CDH9: variants seen among roughly 807,000 people sequenced by gnomAD.
CDH9 encodes cadherin-9.
A neutral mutation model predicts 70.9 loss-of-function variants in CDH9; 28 were observed. The ratio of observed to expected loss-of-function variants is 0.40; its 90% CI spans 0.29 to 0.54. CDH9 has a LOEUF of 0.54. Ranked by LOEUF, CDH9 falls within the 20% of genes least tolerant of loss-of-function variation. The probability of loss-of-function intolerance (pLI) is 0.59; values close to 1 mark genes in which losing one functional copy is unlikely to be tolerated. For missense variants in CDH9, 874 were observed against 984.4 expected, an observed-to-expected ratio of 0.89 and a Z score of 1.50; for synonymous variants, 409 against 343.1, an observed-to-expected ratio of 1.19 and a Z score of -2.12.
intron 2 of CDH9, among the ~76,000 whole-genome samples, chr5:26,975,465 G>A (rs1037112744): frequency 6.6e-6 from 1 of 152,188 alleles, no homozygotes; most frequent in Non-Finnish European, 1.5e-5. Flanking sequence ...AACTGAAATA[G>A]TAAGTATAGC....
chr5:26,933,361 A>C (rs72744754), intron 2 of CDH9, among the ~76,000 whole-genome samples: 25,886 of 151,680 alleles, frequency 0.17, 2,508 homozygotes, highest in South Asian at 0.36. Flanking sequence ...AAGTCCAAAA[A>C]AATAAATAGG....
rs748540104 is a variant in CDH9, at chr5:26,902,647, A to C, written c.1082T>G (p.Leu361Arg). Residue 361 changes from leucine (L) to arginine (R), a missense_variant, in exon 7 of 12, where the codon CTG becomes CGG. Leu to Arg is a moderately radical substitution (Grantham distance 102). Coordinates refer to ENST00000231021, the MANE Select transcript of CDH9 (RefSeq NM_016279.4). ...NTHPDPRFLH[L>R]GPFKDTAVVK... ...CACAGCTGTATCTTTGAAAGGTCCCAGGTGTAAGAATCGTGGATCAGGGTG... is the reference window on the plus strand; with the variant it reads ...CACAGCTGTATCTTTGAAAGGTCCCCGGTGTAAGAATCGTGGATCAGGGTG... 5 of 1,593,452 alleles carry C rather than the reference A, an allele frequency of 3.1e-6. No homozygotes were observed. In the South Asian group the frequency reaches 5.5e-5, roughly 18 times the overall value.
At chr5:26,986,311 A>G (rs1742487294) in intron 2 of CDH9, among the ~76,000 whole-genome samples, 1 of 152,068 alleles carries the variant, frequency 6.6e-6, no homozygotes. Context: ...CCACGCATAA[A>G]TCCAAAATGC....
chr5:26,982,558 T>G (rs1428196538), intron 2 of CDH9, among the ~76,000 whole-genome samples: 1 of 152,174 alleles, frequency 6.6e-6, no homozygotes, highest in African/African-American at 2.4e-5. Flanking sequence ...AGTAAACCTA[T>G]ATTGTCAAAA....
At chr5:27,012,042 A>G (rs1364495406) in intron 1 of CDH9, among the ~76,000 whole-genome samples, 1 of 151,962 alleles carries the variant, frequency 6.6e-6, no homozygotes, top group African/African-American at 2.4e-5. Flanking sequence ...TTTCAAATCT[A>G]TATACAATCT....
Position 26,890,425 on chromosome 5 carries a change from T to G in CDH9, c.1390+3A>C. 6.2e-7 allele frequency: 1 copy of G among 1,613,214 alleles called. No homozygotes were observed. The highest frequency in any genetic ancestry group is 8.5e-7 in the Non-Finnish European group (1 of 1,179,218). Reference sequence around the variant, plus strand: ...TCTTCGGGTAGATGTAGCTCCAACTTACTTATTTCTGTGGCTGTAACAGTG... The same window carrying G: ...TCTTCGGGTAGATGTAGCTCCAACTGACTTATTTCTGTGGCTGTAACAGTG... On this transcript the variant is annotated splice_donor_region_variant and intron_variant, in intron 8 of 11. Coordinates refer to ENST00000231021, the MANE Select transcript of CDH9 (RefSeq NM_016279.4).
intron 7 of CDH9, among the ~76,000 whole-genome samples, chr5:26,894,270 C>A (rs1267398763): frequency 6.6e-6 from 1 of 152,112 alleles, no homozygotes; most frequent in Admixed American, 6.6e-5. Flanking sequence ...TCCTTTTGTG[C>A]TCATTGCTAG....
intron 9 of CDH9, among the ~76,000 whole-genome samples, chr5:26,887,274 G>A (rs1740580948): frequency 6.6e-6 from 1 of 151,568 alleles, no homozygotes; most frequent in South Asian, 2.1e-4. Flanking sequence ...TTCCTACATA[G>A]CAATAACAAA....
At chr5:26,935,021 T>A (rs924072035) in intron 2 of CDH9, among the ~76,000 whole-genome samples, 3 of 151,700 alleles carry the variant, frequency 2.0e-5, no homozygotes, top group Non-Finnish European at 4.4e-5. Context: ...CAATAGTGTA[T>A]ACAAATAATT....
intron 3 of CDH9, among the ~76,000 whole-genome samples, chr5:26,915,181 C>A (rs910810880): frequency 3.0e-4 from 46 of 152,070 alleles, no homozygotes; most frequent in Admixed American, 2.3e-3. Flanking sequence ...ATTTAAAGTT[C>A]TATTTCTCAT....
At chr5:26,986,434 A>C (rs1742489695) in intron 2 of CDH9, among the ~76,000 whole-genome samples, 1 of 152,174 alleles carries the variant, frequency 6.6e-6, no homozygotes, top group Non-Finnish European at 1.5e-5. Flanking sequence ...GCATGATTGC[A>C]CACAAAATTT....
chr5:26,987,369 G>C (rs1017094552), intron 2 of CDH9, among the ~76,000 whole-genome samples: 5 of 151,756 alleles, frequency 3.3e-5, no homozygotes, highest in African/African-American at 1.2e-4. Flanking sequence ...GAATGTGATT[G>C]GTAAGGAAAA....
intron 1 of CDH9, among the ~76,000 whole-genome samples, chr5:27,033,107 A>T (rs977922485): frequency 6.6e-6 from 1 of 151,264 alleles, no homozygotes; most frequent in East Asian, 1.9e-4. Flanking sequence ...AATTTTTCCT[A>T]TTCAAAAAAT....
At chr5:27,022,226 A>C (rs1262304928) in intron 1 of CDH9, among the ~76,000 whole-genome samples, 3 of 152,068 alleles carry the variant, frequency 2.0e-5, no homozygotes, top group Non-Finnish European at 4.4e-5. Flanking sequence ...TCTCTCAATG[A>C]AATAACTGAT....
At chr5:26,931,826 T>C (rs935169729) in intron 2 of CDH9, among the ~76,000 whole-genome samples, 2 of 152,094 alleles carry the variant, frequency 1.3e-5, no homozygotes, top group Non-Finnish European at 2.9e-5. Context: ...CAGACATGCA[T>C]GTAATTAGAC....
chr5:26,902,630 T>C lies in CDH9; in HGVS notation c.1099A>G (p.Thr367Ala). The C allele has an allele frequency of 6.3e-7, 1 of 1,598,272 alleles. No homozygotes were observed. The highest frequency in any genetic ancestry group is 8.6e-7 in the Non-Finnish European group (1 of 1,165,866). ...TCCACAGATATTTTGACCACAGCTG[T>C]ATCTTTGAAAGGTCCCAGGTGTAAG... ...RFLHLGPFKD[T>A]AVVKISVEDI... Residue 367 changes from threonine to alanine, a missense_variant, in exon 7 of 12, where the codon ACA (threonine) becomes GCA (alanine). Physicochemically the swap from Thr to Ala is moderately conservative, Grantham distance 58 (BLOSUM62 0). Coordinates refer to ENST00000231021, the MANE Select transcript of CDH9 (RefSeq NM_016279.4).
At chr5:26,991,494 A>G (rs1742578301) in intron 1 of CDH9, among the ~76,000 whole-genome samples, 1 of 152,154 alleles carries the variant, frequency 6.6e-6, no homozygotes, top group African/African-American at 2.4e-5. Flanking sequence ...AATCGTAATG[A>G]AGCTGGGATT....
chr5:27,029,174 T>A (rs1743269564), intron 1 of CDH9, among the ~76,000 whole-genome samples: 1 of 152,018 alleles, frequency 6.6e-6, no homozygotes, highest in South Asian at 2.1e-4. Flanking sequence ...AATGAAAACA[T>A]GACCTTAAAC....
chr5:26,953,024 T>C (rs1351757774), intron 2 of CDH9, among the ~76,000 whole-genome samples: 1 of 152,130 alleles, frequency 6.6e-6, no homozygotes, highest in Non-Finnish European at 1.5e-5. Flanking sequence ...TAATTGATAT[T>C]CTACGCAGTA....
Sources: gnomAD v4.1 joint callset for allele counts (sites outside exome capture counted in the v4.1 genomes callset) on GRCh38, gnomAD v4.1.1 for gene constraint, MANE v1.5 for transcripts, NCBI Gene and HGNC (gene_info 2026-07-23, HGNC 2026-07-21) for gene names.